Variants in PIP4K2A observed in about 807,000 individuals in gnomAD.
The protein encoded by PIP4K2A is phosphatidylinositol-5-phosphate 4-kinase type 2 alpha.
In PIP4K2A, 14 loss-of-function variants were observed where a neutral mutation model predicts 42.9. The observed-to-expected ratio is 0.33, with a 90% CI of 0.22 to 0.51. The LOEUF (loss-of-function observed/expected upper bound fraction) is 0.51, where lower values mean the gene tolerates loss of function less well. Ranked by LOEUF, PIP4K2A falls within the 20% of genes least tolerant of loss-of-function variation. The probability of loss-of-function intolerance (pLI) is 0.97; values close to 1 mark genes in which losing one functional copy is unlikely to be tolerated. For missense variants in PIP4K2A, 434 were observed against 519.8 expected, an observed-to-expected ratio of 0.83 and a Z score of 1.61; for synonymous variants, 192 against 192.2, an observed-to-expected ratio of 1.00 and a Z score of 0.01.
At chr10:22,583,559 G>A (rs1283215873) in intron 4 of PIP4K2A, among the ~76,000 whole-genome samples, 1 of 152,194 alleles carries the variant, frequency 6.6e-6, no homozygotes, top group Non-Finnish European at 1.5e-5. Flanking sequence ...CATGGTGGGG[G>A]AGTGGGCCCA....
intron 3 of PIP4K2A, among the ~76,000 whole-genome samples, chr10:22,606,217 C>T (rs1445991143): frequency 1.3e-5 from 2 of 151,786 alleles, no homozygotes; most frequent in Admixed American, 6.6e-5. Context: ...ACGCTGAGGT[C>T]GGAGGATCAC....
At chr10:22,560,428 A>C (rs1836660343) in intron 6 of PIP4K2A, among the ~76,000 whole-genome samples, 1 of 152,248 alleles carries the variant, frequency 6.6e-6, no homozygotes, top group African/African-American at 2.4e-5. Context: ...AAAGACCACA[A>C]AAGAAATGCT....
chr10:22,662,498 T>C (rs1256409060), intron 1 of PIP4K2A, among the ~76,000 whole-genome samples: 3 of 152,328 alleles, frequency 2.0e-5, no homozygotes, highest in East Asian at 3.9e-4. Context: ...ATAGATTTGA[T>C]TGAAAACGTT....
intron 1 of PIP4K2A, among the ~76,000 whole-genome samples, chr10:22,697,353 G>A (rs1214134917): frequency 2.6e-5 from 4 of 152,182 alleles, no homozygotes; most frequent in Non-Finnish European, 5.9e-5. Flanking sequence ...TTGACAGAGT[G>A]GCTAGCGCAC....
At chr10:22,548,342 A>G (rs1343937145) in intron 7 of PIP4K2A, among the ~76,000 whole-genome samples, 1 of 152,232 alleles carries the variant, frequency 6.6e-6, no homozygotes, top group African/African-American at 2.4e-5. Context: ...ATTATTAGAG[A>G]CAACAAAAGA....
At chr10:22,697,352 TG>T (rs1227671093) in intron 1 of PIP4K2A, among the ~76,000 whole-genome samples, 1 of 152,086 alleles carries the variant, frequency 6.6e-6, no homozygotes, top group Non-Finnish European at 1.5e-5. Context: ...CTTGACAGAG[TG>T]GCTAGCGCAC....
chr10:22,552,466 C>T (rs1053891485), intron 6 of PIP4K2A, among the ~76,000 whole-genome samples: 3 of 152,074 alleles, frequency 2.0e-5, no homozygotes, highest in South Asian at 2.1e-4. Flanking sequence ...TAATGCAATA[C>T]GTGCACCCCC....
chr10:22,685,934 C>A (rs1003928016), intron 1 of PIP4K2A, among the ~76,000 whole-genome samples: 1 of 152,152 alleles, frequency 6.6e-6, no homozygotes, highest in Non-Finnish European at 1.5e-5. Flanking sequence ...AATTACAGTT[C>A]TCTAATTTAC....
At chr10:22,587,060 C>G (rs570373198) in intron 4 of PIP4K2A, among the ~76,000 whole-genome samples, 2 of 152,252 alleles carry the variant, frequency 1.3e-5, no homozygotes, top group East Asian at 3.9e-4. Context: ...CACCTGCCAT[C>G]CCAGATTGCT....
chr10:22,679,657 A>T (rs1839623711), intron 1 of PIP4K2A, among the ~76,000 whole-genome samples: 1 of 152,228 alleles, frequency 6.6e-6, no homozygotes, highest in Admixed American at 6.5e-5. Context: ...CACAATCCAA[A>T]GGTCCATTAA....
chr10:22,594,707 T>C (rs1837593773), intron 3 of PIP4K2A, among the ~76,000 whole-genome samples: 1 of 152,178 alleles, frequency 6.6e-6, no homozygotes, highest in Non-Finnish European at 1.5e-5. Context: ...GCGCAACATA[T>C]GGGTTTATAA....
intron 5 of PIP4K2A, 30 bp from the exon 6 acceptor site, chr10:22,567,919 C>T (rs559614081): frequency 8.1e-6 from 13 of 1,602,750 alleles, no homozygotes; most frequent in South Asian, 2.2e-5. Context: ...TAAAAACATG[C>T]GCATGGGAGG....
chr10:22,672,520 T>C (rs1839475716), intron 1 of PIP4K2A, among the ~76,000 whole-genome samples: 1 of 152,238 alleles, frequency 6.6e-6, no homozygotes, highest in Non-Finnish European at 1.5e-5. Flanking sequence ...ACAGGTGTAC[T>C]TGTGAATATA....
intron 1 of PIP4K2A, among the ~76,000 whole-genome samples, chr10:22,700,099 G>A (rs1222227210): frequency 1.3e-5 from 2 of 152,192 alleles, no homozygotes; most frequent in Non-Finnish European, 2.9e-5. Context: ...GCTGGAGTCA[G>A]GAGGAAGAAA....
chr10:22,564,225 C>A (rs374511012), intron 6 of PIP4K2A, among the ~76,000 whole-genome samples: 1 of 152,200 alleles, frequency 6.6e-6, no homozygotes, highest in African/African-American at 2.4e-5. Context: ...AAGTCAAATA[C>A]GTGTGGCTTT....
intron 1 of PIP4K2A, among the ~76,000 whole-genome samples, chr10:22,707,678 C>CTAGG (rs1371625405): frequency 3.9e-5 from 6 of 152,194 alleles, no homozygotes; most frequent in African/African-American, 1.2e-4. Flanking sequence ...ATCCCAAGTA[C>CTAGG]TAGGCACTGT....
At chr10:22,648,032 C>G (rs537402750) in intron 1 of PIP4K2A, among the ~76,000 whole-genome samples, 1 of 152,208 alleles carries the variant, frequency 6.6e-6, no homozygotes, top group Non-Finnish European at 1.5e-5. Context: ...TACGTCTACC[C>G]ATTCTTCAAG....
At chr10:22,651,867 C>A (rs1839003286) in intron 1 of PIP4K2A, among the ~76,000 whole-genome samples, 1 of 152,168 alleles carries the variant, frequency 6.6e-6, no homozygotes, top group Non-Finnish European at 1.5e-5. Flanking sequence ...AAATTAATTT[C>A]TCAGATTTCC....
At chr10:22,674,552 T>C (rs1839518391) in intron 1 of PIP4K2A, among the ~76,000 whole-genome samples, 1 of 152,070 alleles carries the variant, frequency 6.6e-6, no homozygotes, top group Non-Finnish European at 1.5e-5. Flanking sequence ...TTAGGTGTAG[T>C]TCTTTAACTC....
Sources: allele counts gnomAD v4.1 joint callset (sites outside exome capture counted in the v4.1 genomes callset), GRCh38; gene constraint gnomAD v4.1.1; transcripts MANE v1.5; gene names NCBI Gene and HGNC (gene_info 2026-07-23, HGNC 2026-07-21).